GSK3A: variants seen among roughly 807,000 people sequenced by gnomAD.
GSK3A encodes glycogen synthase kinase 3 alpha.
GSK3A carries 14 observed loss-of-function variants against 56.6 expected under a neutral mutation model. The observed-to-expected ratio is 0.25, with a 90% confidence interval of 0.16 to 0.39. The LOEUF is 0.39. GSK3A is among the 10% of genes least tolerant of loss of function. GSK3A has a pLI of 1.00. For missense variants in GSK3A, 450 were observed against 656.0 expected (o/e 0.69, Z 3.43); for synonymous variants, 301 against 285.0 (o/e 1.06, Z -0.56).
intron 1 of GSK3A, chr19:42,241,321 G>A (rs1475299661): frequency 6.6e-6 from 1 of 152,044 alleles, no homozygotes; most frequent in African/African-American, 2.4e-5. Context: ...AGGGGCCAGT[G>A]ACAAGTTCTT....
chr19:42,233,219 G>A lies in GSK3A; in HGVS notation c.1003-14C>T. ...TGTTCCCAGCACCTGTAAAGAGAGG[G>A]AGGGGTCTGAGACAAGGGCCCCATC... is the stretch of plus-strand genomic sequence containing the variant. On this transcript the variant is annotated splice_polypyrimidine_tract_variant and intron_variant, in intron 7 of 10. Transcript: ENST00000222330. The A allele has an allele frequency of 6.3e-7, 1 of 1,599,566 alleles. No homozygotes were observed. The highest frequency in any genetic ancestry group is 1.3e-5 in the African/African-American group (1 of 74,752).
rs745905801 is a variant in GSK3A at position 42,233,390 on chromosome 19, G to A, written c.905-7C>T. 3.9e-6 allele frequency: 6 copies of A among 1,553,754 alleles called. No individual in the cohort carries two copies. ...CAGCCAGCTGACCAAACATCTGAGG[G>A]GAAATGGAGGGAGCGTCAGGGCTAG... On this transcript the variant is annotated splice_region_variant and splice_polypyrimidine_tract_variant and intron_variant, in intron 6 of 10. Coordinates refer to ENST00000222330, the MANE Select transcript of GSK3A (RefSeq NM_019884.3).
chr19:42,237,709 C>T (rs1945227555), intron 2 of GSK3A, among the ~76,000 whole-genome samples: 1 of 149,852 alleles, frequency 6.7e-6, no homozygotes, highest in African/African-American at 2.4e-5. Flanking sequence ...AACCCTGTCT[C>T]TACTAAAAAT....
Position 42,234,681 on chromosome 19 carries a change from G to A in GSK3A, c.667-3C>T, listed in dbSNP as rs1371874193. 2 of 1,585,158 alleles carry A rather than the reference G, an allele frequency of 1.3e-6. No homozygotes were observed. The highest frequency in any genetic ancestry group is 1.7e-6 in the Non-Finnish European group (2 of 1,164,534). ...CGGAAGAGCTGGTACATGTACACCT[G>A]CGGCGGGCACAGGATAGCAGAACTT... On this transcript the variant is annotated splice_polypyrimidine_tract_variant and splice_region_variant and intron_variant, in intron 4 of 10. Transcript: ENST00000222330. The surrounding 1 kb of genome is among the most constrained non-coding windows in gnomAD (Gnocchi z 5.7).
In GSK3A at chr19:42,242,599, C is replaced by T. The variant is rs2036302028; in HGVS notation, c.-134G>A. On this transcript the variant is annotated 5_prime_UTR_variant, in exon 1 of 11. Coordinates refer to ENST00000222330, the MANE Select transcript of GSK3A (RefSeq NM_019884.3). The stretch of plus-strand genomic sequence containing the variant: ...TCTGGCTTGGGCTCCGGCTCCGGCC[C>T]AGCGCCCGCCGCGGGGCACGCCGGG... 8.2e-6 allele frequency: 6 copies of T among 732,668 alleles called. No individual in the cohort carries two copies. Among genetic ancestry groups the T allele is most frequent in the Admixed American group, 4.2e-5 (1 of 23,678 alleles). The allele number at this position is 732,668 out of a possible 1,614,324, so 45.4% of individuals were successfully genotyped here.
Position 42,230,732 on chromosome 19 carries a change from C to A in GSK3A, c.*62G>T. The stretch of plus-strand genomic sequence containing the variant: ...AGGGCAGGAGCTTGATGGGCTATGG[C>A]CCCCCTTCCCAGCCCCTCTTGGGGC... On this transcript the variant is annotated 3_prime_UTR_variant, in exon 11 of 11. Coordinates refer to ENST00000222330, the MANE Select transcript of GSK3A (RefSeq NM_019884.3). 7.9e-7 allele frequency: 1 copy of A among 1,273,636 alleles called. No homozygotes were observed. The highest frequency in any genetic ancestry group is 2.0e-5 in the Admixed American group (1 of 50,664). The allele number at this position is 1,273,636 out of a possible 1,614,324, so 78.9% of individuals were successfully genotyped here.
intron 4 of GSK3A, among the ~76,000 whole-genome samples, chr19:42,235,100 G>A (rs796544329): frequency 3.9e-5 from 6 of 152,116 alleles, no homozygotes; most frequent in African/African-American, 1.2e-4. Context: ...GCACTCCAGC[G>A]TGGGTGACAG....
chr19:42,236,647 A>C lies in GSK3A; in HGVS notation c.625T>G (p.Phe209Val). The C allele has an allele frequency of 6.2e-7, 1 of 1,614,002 alleles. No individual in the cohort carries two copies. The change falls in exon 4 of 11, where the codon TTC becomes GTC. Residue 209 changes from phenylalanine (F) to valine (V), a missense_variant. Phe to Val is a conservative substitution (Grantham distance 50). Around this residue, in one of 3 missense-constraint regions of GSK3A, gnomAD observed 144 missense variants for 308.0 expected, o/e 0.47. Coordinates refer to ENST00000222330, the MANE Select transcript of GSK3A (RefSeq NM_019884.3). ...PETVYRVARHFTKAKLTIPIL... is the reference protein window; with the variant it reads ...PETVYRVARHVTKAKLTIPIL... ...GGGATGGTCAACTTGGCCTTGGTGA[A>C]GTGGCGGGCCACCCGGTACACTGTC...
Position 42,233,271 on chromosome 19 carries a change from A to AGCCCC in GSK3A, c.1002+10_1002+14dup, listed in dbSNP as rs1469361113. 4.7e-5 allele frequency: 20 copies of AGCCCC among 424,318 alleles called. No individual in the cohort carries two copies. The highest frequency in any genetic ancestry group is 7.5e-5 in the Non-Finnish European group (18 of 240,388). The allele number at this position is 424,318 out of a possible 1,614,324, so 26.3% of individuals were successfully genotyped here. On this transcript the variant is annotated intron_variant, in intron 7 of 10. Coordinates refer to ENST00000222330, the MANE Select transcript of GSK3A (RefSeq NM_019884.3). ...CTCAGCCCCACCCCCTGCCCAGCCCAGCCCCGCCCCTCACCTTGATGATCT... is the reference window on the plus strand; with the variant it reads ...CTCAGCCCCACCCCCTGCCCAGCCCAGCCCCGCCCCGCCCCTCACCTTGATGATCT...
intron 1 of GSK3A, 35 bp downstream of exon 1, chr19:42,242,148 A>ACGG: frequency 7.6e-7 from 1 of 1,321,658 alleles, no homozygotes; most frequent in Non-Finnish European, 9.6e-7. Context: ...TGGGAACCCT[A>ACGG]ATCACCACCC....
intron 4 of GSK3A, among the ~76,000 whole-genome samples, chr19:42,235,401 G>A (rs974024869): frequency 6.6e-6 from 1 of 152,050 alleles, no homozygotes; most frequent in South Asian, 2.1e-4. Context: ...CCCTGAGCCT[G>A]CCCCCTCTCC....
In GSK3A at chr19:42,230,558, C is replaced by T. The variant is rs1385278958; in HGVS notation, c.*236G>A. 2 of 554,550 alleles carry T rather than the reference C, an allele frequency of 3.6e-6. No individual in the cohort carries two copies. Among genetic ancestry groups the T allele is most frequent in the Non-Finnish European group, 6.5e-6 (2 of 309,266 alleles). The allele number at this position is 554,550 out of a possible 1,614,324, so 34.4% of individuals were successfully genotyped here. On this transcript the variant is annotated 3_prime_UTR_variant, in exon 11 of 11. Transcript: ENST00000222330. ...GGCCAAGGGGGTAGGAGGTCCTCAT[C>T]CCCCCAACACCCTGTCCTTCTCTTC...
chr19:42,239,467 C>G (rs546773927), intron 2 of GSK3A, among the ~76,000 whole-genome samples: 1 of 152,210 alleles, frequency 6.6e-6, no homozygotes, highest in African/African-American at 2.4e-5. Context: ...CCATTCTGCG[C>G]TGGCCAAACA....
chr19:42,232,088 C>T lies in GSK3A; in HGVS notation c.1347G>A (p.Ala449=), dbSNP rs139229584. The part of the protein sequence containing the change: ...ILIPPHLRSP[A]GTTTLTPSSQ... ...AGGACGGGGTGAGGGTGGTAGTGCCCGCTGGGGACCTCAAGTGAGGAGGGA... is the reference window on the plus strand; with the variant it reads ...AGGACGGGGTGAGGGTGGTAGTGCCTGCTGGGGACCTCAAGTGAGGAGGGA... Residue 449 remains alanine (A), a synonymous_variant, in exon 10 of 11, where the codon GCG becomes GCA. Transcript: ENST00000222330. The T allele has an allele frequency of 7.5e-5, 121 of 1,609,516 alleles. No homozygotes were observed. The African/African-American group carries it at 7.7e-4, about 10-fold the overall frequency.
chr19:42,238,361 T>A (rs890484587), intron 2 of GSK3A, among the ~76,000 whole-genome samples: 4 of 144,700 alleles, frequency 2.8e-5, no homozygotes, highest in African/African-American at 1.0e-4. Context: ...CCAGCCTTAG[T>A]GACAGAACGA....
chr19:42,240,493 C>G (rs2036285144), intron 1 of GSK3A: 1 of 480,736 alleles, frequency 2.1e-6, no homozygotes, highest in Admixed American at 3.7e-5. Context: ...TCTGGATCTA[C>G]TGCCCTCTGG....
chr19:42,233,710 G>A (rs2036239652), intron 6 of GSK3A, among the ~76,000 whole-genome samples: 1 of 152,154 alleles, frequency 6.6e-6, no homozygotes, highest in Non-Finnish European at 1.5e-5. Flanking sequence ...TTGGGCCACA[G>A]GAAGGTACAG....
intron 2 of GSK3A, among the ~76,000 whole-genome samples, chr19:42,237,996 C>T (rs1313597131): frequency 6.6e-6 from 1 of 151,976 alleles, no homozygotes; most frequent in East Asian, 1.9e-4. Flanking sequence ...CCTCCTGCCT[C>T]GGGCTCTCCA....
At position 42,233,146 on chromosome 19, in the gene GSK3A, G is replaced by C; in HGVS notation, c.1062C>G (p.Phe354Leu). The stretch of plus-strand genomic sequence containing the variant: ...GGTGAGCTTTAATCTGAGGGAACTT[G>C]AACTCCGTGTAGTTGGGGTTCATCT... ...IREMNPNYTE[F>L]KFPQIKAHPW... Residue 354 changes from phenylalanine to leucine, a missense_variant, in exon 8 of 11, where the codon TTC becomes TTG. Coordinates refer to ENST00000222330, the MANE Select transcript of GSK3A (RefSeq NM_019884.3). 6.2e-7 allele frequency: 1 copy of C among 1,607,848 alleles called. No homozygotes were observed. Among genetic ancestry groups the C allele is most frequent in the Non-Finnish European group, 8.5e-7 (1 of 1,176,596 alleles).
Sources: gnomAD v4.1 joint callset for allele counts (sites outside exome capture counted in the v4.1 genomes callset) on GRCh38, gnomAD v4.1.1 for gene constraint, gnomAD v4.1.1 regional missense constraint, Gnocchi (gnomAD v3.1) non-coding constraint, MANE v1.5 for transcripts, NCBI Gene and HGNC (gene_info 2026-07-23, HGNC 2026-07-21) for gene names.